The following PEMT variants were observed in gnomAD, a reference collection of about 807,000 sequenced individuals.
PEMT encodes phospholipid methyltransferase.
In PEMT, 23 loss-of-function variants were observed where a neutral mutation model predicts 27.4. That is an observed-to-expected ratio of 0.84 (90% confidence interval 0.60 to 1.19). PEMT has a LOEUF of 1.19. Among genes scored for constraint, PEMT ranks in the 50% most tolerant of loss-of-function variants. The probability of loss-of-function intolerance (pLI) is 0.00; values close to 1 mark genes in which losing one functional copy is unlikely to be tolerated. For synonymous variants in PEMT, 137 were observed against 139.1 expected, an observed-to-expected ratio of 0.98 and a Z score of 0.11; for missense variants, 307 against 310.1, an observed-to-expected ratio of 0.99 and a Z score of 0.07.
chr17:17,524,281 G>C (rs1907508400), intron 2 of PEMT, among the ~76,000 whole-genome samples: 2 of 152,164 alleles, frequency 1.3e-5, no homozygotes, highest in Non-Finnish European at 2.9e-5. Context: ...TGTTTTCAGT[G>C]CTCTCAGGTA....
intron 2 of PEMT, among the ~76,000 whole-genome samples, chr17:17,555,421 G>T (rs1366811421): frequency 2.0e-5 from 3 of 152,196 alleles, no homozygotes; most frequent in Non-Finnish European, 4.4e-5. Context: ...ACAGTGTGCT[G>T]CCCTGGACAA....
chr17:17,549,072 T>TCACAG (rs1267466965), intron 2 of PEMT, among the ~76,000 whole-genome samples: 2 of 152,070 alleles, frequency 1.3e-5, no homozygotes, highest in Non-Finnish European at 2.9e-5. Flanking sequence ...AGTGGCACAA[T>TCACAG]CACAGCTCAC....
chr17:17,559,695 T>C (rs1910331406), intron 2 of PEMT, among the ~76,000 whole-genome samples: 2 of 152,122 alleles, frequency 1.3e-5, no homozygotes, highest in South Asian at 2.1e-4. Context: ...TGGGCCAGGA[T>C]TCCCAGGAAA....
At chr17:17,522,445 A>G (rs1202503816) in intron 2 of PEMT, 50 bp from the exon 3 acceptor site, 148 of 563,634 alleles carry the variant, frequency 2.6e-4, no homozygotes, top group Non-Finnish European at 3.6e-4. Context: ...GGGAGACTCC[A>G]GGGTGGGGGT....
intron 1 of PEMT, among the ~76,000 whole-genome samples, chr17:17,580,097 G>A (rs1289040375): frequency 6.6e-6 from 1 of 152,208 alleles, no homozygotes; most frequent in Non-Finnish European, 1.5e-5. Context: ...GGGGAAGGGA[G>A]GGGAGGGAAG....
chr17:17,552,969 C>T (rs914284380), intron 2 of PEMT, among the ~76,000 whole-genome samples: 3 of 152,244 alleles, frequency 2.0e-5, no homozygotes, highest in African/African-American at 4.8e-5. Context: ...CGTGAGTCCA[C>T]TCTCCTCTGT....
At chr17:17,551,199 G>C (rs1909632749) in intron 2 of PEMT, among the ~76,000 whole-genome samples, 1 of 152,182 alleles carries the variant, frequency 6.6e-6, no homozygotes, top group Admixed American at 6.5e-5. Context: ...CATGCAGAAG[G>C]CTGCAGAGAA....
At chr17:17,537,342 C>G (rs1229850141) in intron 2 of PEMT, among the ~76,000 whole-genome samples, 1 of 152,214 alleles carries the variant, frequency 6.6e-6, no homozygotes, top group Admixed American at 6.5e-5. Flanking sequence ...TAAGAACCCC[C>G]CACCGGCCAG....
At chr17:17,518,248 T>A in intron 3 of PEMT, 1 of 793,514 alleles carries the variant, frequency 1.3e-6, no homozygotes, top group Non-Finnish European at 1.5e-6. Flanking sequence ...AGCCCAGTCC[T>A]GTGAAGCCCG....
chr17:17,568,830 TCTC>T lies in PEMT; in HGVS notation c.204+8087_204+8089del, dbSNP rs966822489. Reference sequence around the variant, plus strand: ...AGGAGCACCCACACCTTTTCTTCCTTCTCCTCCTCCTCCTCTTCCTCCTCCCAG... The same window carrying T: ...AGGAGCACCCACACCTTTTCTTCCTTCTCCTCCTCCTCTTCCTCCTCCCAG... On this transcript the variant is annotated intron_variant, in intron 2 of 6. Transcript: ENST00000255389. Among the ~76,000 whole-genome samples, 6 of 151,900 alleles carry T rather than the reference TCTC, an allele frequency of 3.9e-5. No individual in the cohort carries two copies. In the East Asian group the frequency reaches 5.8e-4, roughly 15 times the overall value.
intron 2 of PEMT, chr17:17,570,770 A>G (rs996281192): frequency 1.0e-6 from 1 of 985,252 alleles, no homozygotes; most frequent in African/African-American, 1.7e-5. Flanking sequence ...GCTAGAGAGG[A>G]GCAGTGGGGA....
intron 2 of PEMT, among the ~76,000 whole-genome samples, chr17:17,537,914 T>C (rs1299755712): frequency 6.6e-6 from 1 of 152,212 alleles, no homozygotes. Flanking sequence ...CAGTTGTGAC[T>C]TGGGTGGGAC....
intron 3 of PEMT, chr17:17,518,184 T>A (rs1466189612): frequency 2.0e-6 from 2 of 984,012 alleles, no homozygotes; most frequent in Non-Finnish European, 2.4e-6. Flanking sequence ...AGCTCGCTGA[T>A]GCCCTAACAA....
intron 1 of PEMT, among the ~76,000 whole-genome samples, chr17:17,590,320 C>T (rs914060074): frequency 6.6e-6 from 1 of 152,224 alleles, no homozygotes; most frequent in African/African-American, 2.4e-5. Context: ...CGGCCCATCT[C>T]CTCCTGTGCC....
At chr17:17,547,564 C>A (rs1195859977) in intron 2 of PEMT, among the ~76,000 whole-genome samples, 1 of 152,244 alleles carries the variant, frequency 6.6e-6, no homozygotes, top group African/African-American at 2.4e-5. Flanking sequence ...GGCAGAGAAG[C>A]ATTGTGTGCA....
chr17:17,547,652 T>TC (rs1909351204), intron 2 of PEMT, among the ~76,000 whole-genome samples: 1 of 152,034 alleles, frequency 6.6e-6, no homozygotes, highest in South Asian at 2.1e-4. Flanking sequence ...GCCTCCCTCC[T>TC]CTTCCTCCTC....
At chr17:17,576,644 C>G (rs1274267848) in intron 2 of PEMT, among the ~76,000 whole-genome samples, 1 of 152,204 alleles carries the variant, frequency 6.6e-6, no homozygotes, top group East Asian at 1.9e-4. Flanking sequence ...ACCATGGCAG[C>G]GTTCTCCTGC....
Position 17,576,895 on chromosome 17 carries a change from G to A in PEMT, c.204+25C>T, listed in dbSNP as rs770290520. ...ACCAAGCAGTGAGATACTCCCGTCT[G>A]GACAGTGTCAGGCACATCACTTACC... On this transcript the variant is annotated intron_variant, in intron 2 of 6. Coordinates refer to ENST00000255389, the MANE Select transcript of PEMT (RefSeq NM_148172.3). 4 of 1,577,334 alleles carry A rather than the reference G, an allele frequency of 2.5e-6. No individual in the cohort carries two copies. The Admixed American group carries it at 6.7e-5, about 26-fold the overall frequency.
At chr17:17,585,487 A>C (rs1390583637) in intron 1 of PEMT, among the ~76,000 whole-genome samples, 1 of 152,212 alleles carries the variant, frequency 6.6e-6, no homozygotes, top group Non-Finnish European at 1.5e-5. Flanking sequence ...GTGGACAAGA[A>C]GGCTGCTGGA....
Sources: gnomAD v4.1 joint callset for allele counts (sites outside exome capture counted in the v4.1 genomes callset) on GRCh38, gnomAD v4.1.1 for gene constraint, MANE v1.5 for transcripts, NCBI Gene and HGNC (gene_info 2026-07-23, HGNC 2026-07-21) for gene names.